The following IST1 variants were observed in gnomAD, a reference collection of about 807,000 sequenced individuals.
IST1 encodes the protein IST1 factor associated with ESCRT-III, also known as IST1 homolog.
IST1 carries 23 observed loss-of-function variants against 37.0 expected under a neutral mutation model. The observed-to-expected ratio is 0.62, with a 90% CI of 0.45 to 0.88. The LOEUF is 0.88. IST1 is among the 40% of genes least tolerant of loss of function. IST1 has a pLI of 0.00. For synonymous variants in IST1, 180 were observed against 161.7 expected (o/e 1.11, Z -0.86); for missense variants, 488 against 445.4 (o/e 1.10, Z -0.86).
rs2037452203 is a variant in IST1 at position 71,915,711 on chromosome 16, T to C, written c.71T>C (p.Leu24Pro). 6.2e-7 allele frequency: 1 copy of C among 1,610,800 alleles called. No homozygotes were observed. The highest frequency in any genetic ancestry group is 2.2e-5 in the East Asian group (1 of 44,860). Reference sequence around the variant, plus strand: ...AGATTAGTCATAAATCGCCTTAAACTATTGGAGAAAAAGAAAAGTGAGTAG... The same window carrying C: ...AGATTAGTCATAAATCGCCTTAAACCATTGGAGAAAAAGAAAAGTGAGTAG... ...NLRLVINRLK[L>P]LEKKKTELAQ... The change falls in exon 2 of 10, where the codon CTA (leucine) becomes CCA (proline). Residue 24 changes from leucine (L) to proline (P), a missense_variant. Leu to Pro is a moderately conservative substitution (Grantham distance 98). This residue lies in a region of IST1 where 33 missense variants were observed against 59.3 expected (regional missense o/e 0.56). Coordinates refer to ENST00000378799, the MANE Select transcript of IST1 (RefSeq NM_001270975.2).
chr16:71,923,465 GT>G, intron 8 of IST1, 85 bp downstream of exon 8: 1 of 822,406 alleles, frequency 1.2e-6, no homozygotes, highest in Non-Finnish European at 2.0e-6. Flanking sequence ...GGAAGGCAGA[GT>G]TTTGATCAAC....
chr16:71,911,403 C>T (rs962916956), intron 1 of IST1, among the ~76,000 whole-genome samples: 3 of 150,994 alleles, frequency 2.0e-5, no homozygotes. Flanking sequence ...TGTGGTGGTT[C>T]ACGCCTGTAA....
At chr16:71,921,492 A>G (rs769312387) in intron 6 of IST1, 39 bp downstream of exon 6, 56 of 1,254,118 alleles carry the variant, frequency 4.5e-5, no homozygotes. Flanking sequence ...ATGAGTTTGT[A>G]GGTATGACCT....
intron 1 of IST1, among the ~76,000 whole-genome samples, chr16:71,902,241 T>C (rs531402892): frequency 2.6e-5 from 4 of 152,292 alleles, no homozygotes; most frequent in African/African-American, 7.2e-5. Context: ...GGGCCTGGAT[T>C]TTCTTTGGGA....
chr16:71,905,674 C>T (rs964371504), intron 1 of IST1, among the ~76,000 whole-genome samples: 4 of 152,188 alleles, frequency 2.6e-5, no homozygotes, highest in African/African-American at 9.7e-5. Flanking sequence ...GCCACCGCAC[C>T]CAGTCGAACT....
intron 8 of IST1, chr16:71,924,132 G>A (rs1183235824): frequency 2.2e-6 from 1 of 455,842 alleles, no homozygotes. Context: ...CTTATGCTTT[G>A]GTTTTGCATG....
At chr16:71,908,959 A>G (rs2037289868) in intron 1 of IST1, among the ~76,000 whole-genome samples, 1 of 152,184 alleles carries the variant, frequency 6.6e-6, no homozygotes, top group Non-Finnish European at 1.5e-5. Context: ...TCAGTGAAAG[A>G]GACACTGAAC....
upstream of IST1, chr16:71,894,486 T>C (rs1353600590): frequency 9.9e-6 from 2 of 202,266 alleles, no homozygotes; most frequent in African/African-American, 2.4e-5. Flanking sequence ...CTTCAGGTGA[T>C]ACACCTGCCT....
At chr16:71,903,754 A>G (rs1049680412) in intron 1 of IST1, 3 of 152,144 alleles carry the variant, frequency 2.0e-5, no homozygotes, top group African/African-American at 7.2e-5. Context: ...ACATTCATGA[A>G]TGTTCTAGTA....
At chr16:71,911,561 CAA>C (rs1178453000) in intron 1 of IST1, among the ~76,000 whole-genome samples, 1 of 151,984 alleles carries the variant, frequency 6.6e-6, no homozygotes, top group Non-Finnish European at 1.5e-5. Context: ...AAAAACAAAA[CAA>C]AACTACTGCC....
intron 6 of IST1, chr16:71,921,904 G>A (rs1421502132): frequency 2.7e-5 from 5 of 185,274 alleles, no homozygotes; most frequent in Non-Finnish European, 5.7e-5. Context: ...TTGGGAGGCC[G>A]AGGCAGGCGG....
chr16:71,896,461 C>T (rs1236626785), intron 1 of IST1, among the ~76,000 whole-genome samples: 2 of 152,100 alleles, frequency 1.3e-5, no homozygotes, highest in African/African-American at 2.4e-5. Context: ...AATGAATTCT[C>T]TCATCCAGCT....
At chr16:71,915,800 C>A in intron 2 of IST1, 72 bp downstream of exon 2, 1 of 907,542 alleles carries the variant, frequency 1.1e-6, no homozygotes, top group Non-Finnish European at 1.8e-6. Flanking sequence ...GTCTTTCAGG[C>A]CAGTACTATG....
At chr16:71,912,430 G>A (rs1383950176) in intron 1 of IST1, among the ~76,000 whole-genome samples, 1 of 152,010 alleles carries the variant, frequency 6.6e-6, no homozygotes, top group Admixed American at 6.6e-5. Context: ...GTGGAGACGG[G>A]GTTTCACCGT....
intron 8 of IST1, chr16:71,924,341 G>A (rs1171308882): frequency 1.1e-5 from 4 of 377,756 alleles, no homozygotes; most frequent in Non-Finnish European, 1.5e-5. Context: ...TGGGCGGGGT[G>A]GTTCACGCCT....
Position 71,930,290 on chromosome 16 carries a change from C to A in IST1, c.*2477C>A. The A allele has an allele frequency of 8.5e-7, 1 of 1,178,936 alleles. No homozygotes were observed. Among genetic ancestry groups the A allele is most frequent in the Non-Finnish European group, 1.1e-6 (1 of 889,354 alleles). 73.0% of individuals were successfully genotyped at this position (1,178,936 alleles called of 1,614,324 possible). A position where few individuals can be genotyped will look rare whatever the true frequency, so the allele number is the denominator to read the frequency against. On this transcript the variant is annotated 3_prime_UTR_variant, in exon 10 of 10. Transcript: ENST00000378799. ...GATCTTATCAGAAGAAAAGCTTATCCGAAGGAAACTTAGGGAGAGAGTCAA... is the reference window on the plus strand; with the variant it reads ...GATCTTATCAGAAGAAAAGCTTATCAGAAGGAAACTTAGGGAGAGAGTCAA...
chr16:71,895,499 G>A (rs2036943360), upstream of IST1: 2 of 985,682 alleles, frequency 2.0e-6, no homozygotes, highest in Non-Finnish European at 2.4e-6. Context: ...CCCTCCGCCC[G>A]CGCTTGTTGT....
At chr16:71,896,241 T>G (rs1017786833) in intron 1 of IST1, among the ~76,000 whole-genome samples, 4 of 152,082 alleles carry the variant, frequency 2.6e-5, no homozygotes, top group South Asian at 2.1e-4. Flanking sequence ...GTGCTCTTCT[T>G]CCGGGGTGCT....
At position 71,916,659 on chromosome 16, in the gene IST1, C is replaced by G; in HGVS notation, c.269+17C>G. 2 of 1,596,884 alleles carry G rather than the reference C, an allele frequency of 1.3e-6. No homozygotes were observed. The highest frequency in any genetic ancestry group is 2.2e-5 in the South Asian group (2 of 89,792). On this transcript the variant is annotated intron_variant, in intron 3 of 9. Coordinates refer to ENST00000378799, the MANE Select transcript of IST1 (RefSeq NM_001270975.2). ...GTCTATGAAGTAAGATATTTTGATT[C>G]AGAGACCTAAATCATTTCTGGAATT...
Sources: gnomAD v4.1 joint callset for allele counts (sites outside exome capture counted in the v4.1 genomes callset) on GRCh38, gnomAD v4.1.1 for gene constraint, gnomAD v4.1.1 regional missense constraint, MANE v1.5 for transcripts, NCBI Gene and HGNC (gene_info 2026-07-23, HGNC 2026-07-21) for gene names.